SGSM1: variants seen among roughly 807,000 people sequenced by gnomAD.
The protein encoded by SGSM1 is RUN and TBC1 domain containing 2.
A neutral mutation model predicts 133.8 loss-of-function variants in SGSM1; 73 were observed. The ratio of observed to expected loss-of-function variants is 0.55; its 90% CI spans 0.45 to 0.66. SGSM1 has a LOEUF of 0.66. Among genes scored for constraint, SGSM1 ranks in the 30% least tolerant of loss-of-function variants. The pLI is 0.00. For synonymous variants in SGSM1, 563 were observed against 573.0 expected (o/e 0.98, Z 0.25); for missense variants, 1,213 against 1,448.1 (o/e 0.84, Z 2.64).
intron 2 of SGSM1, among the ~76,000 whole-genome samples, chr22:24,830,361 C>G (rs1200763198): frequency 6.6e-6 from 1 of 152,208 alleles, no homozygotes; most frequent in Non-Finnish European, 1.5e-5. Flanking sequence ...AAGGTTGCAG[C>G]CAGCTTCCTG....
At position 24,806,249 on chromosome 22, in the gene SGSM1, C is replaced by T. The variant is rs1355156931; in HGVS notation, c.-77C>T. ...CCCCGCCCCGCCGCGGCTGCAGCAG[C>T]AGCGCCGCGGCCGGAGGAGCTACCG... On this transcript the variant is annotated 5_prime_UTR_variant, in exon 1 of 25. Coordinates refer to ENST00000400358, the MANE Select transcript of SGSM1 (RefSeq NM_001098497.3). The T allele has an allele frequency of 6.0e-6, 8 of 1,338,036 alleles. No individual in the cohort carries two copies. The Admixed American group carries it at 1.2e-4, about 20-fold the overall frequency. The allele number at this position is 1,338,036 out of a possible 1,614,324, so 82.9% of individuals were successfully genotyped here.
At chr22:24,833,442 G>A (rs558313882) in intron 2 of SGSM1, among the ~76,000 whole-genome samples, 99 of 151,466 alleles carry the variant, frequency 6.5e-4, no homozygotes, top group African/African-American at 1.9e-3. Context: ...GGTGGATCAC[G>A]AGGTCAAGAG....
chr22:24,847,576 T>A, intron 3 of SGSM1, 58 bp from the exon 4 acceptor site: 1 of 1,573,528 alleles, frequency 6.4e-7, no homozygotes. Flanking sequence ...CTCTGGGACA[T>A]GCTGGGTGCT....
intron 14 of SGSM1, among the ~76,000 whole-genome samples, chr22:24,883,719 G>A (rs187922259): frequency 6.6e-6 from 1 of 152,306 alleles, no homozygotes; most frequent in East Asian, 1.9e-4. Flanking sequence ...CACTTTGGGA[G>A]GCTGAAGCAG....
chr22:24,885,616 G>T (rs976249747), intron 15 of SGSM1, among the ~76,000 whole-genome samples: 1 of 151,766 alleles, frequency 6.6e-6, no homozygotes, highest in Non-Finnish European at 1.5e-5. Flanking sequence ...TAGAGACGAG[G>T]TTTCACCATG....
intron 9 of SGSM1, among the ~76,000 whole-genome samples, chr22:24,864,178 G>C (rs1430706262): frequency 6.6e-6 from 1 of 152,168 alleles, no homozygotes; most frequent in Non-Finnish European, 1.5e-5. Context: ...GGCTGGACTT[G>C]CCTCCGATCT....
At chr22:24,851,813 G>C (rs1036725820) in intron 5 of SGSM1, among the ~76,000 whole-genome samples, 6 of 152,192 alleles carry the variant, frequency 3.9e-5, no homozygotes, top group Admixed American at 3.9e-4. Flanking sequence ...GATGGGATGG[G>C]GAACAAAGTG....
chr22:24,855,952 A>C (rs6004321), intron 8 of SGSM1: 3 of 621,902 alleles, frequency 4.8e-6, no homozygotes, highest in Admixed American at 4.3e-5. Flanking sequence ...CATCTATCCA[A>C]CCATCTTTAC....
intron 2 of SGSM1, among the ~76,000 whole-genome samples, chr22:24,808,531 G>T (rs1267792252): frequency 6.6e-6 from 1 of 152,124 alleles, no homozygotes; most frequent in African/African-American, 2.4e-5. Context: ...CCAGACCTAC[G>T]TGTAATATGT....
chr22:24,820,957 G>C (rs995849903), intron 2 of SGSM1, among the ~76,000 whole-genome samples: 2 of 152,230 alleles, frequency 1.3e-5, no homozygotes, highest in Non-Finnish European at 2.9e-5. Context: ...GTAGGTGGCA[G>C]CTTACCTGGG....
At position 24,826,774 on chromosome 22, in the gene SGSM1, C is replaced by T. The variant is rs148742084; in HGVS notation, c.64-18123C>T. Among the ~76,000 whole-genome samples, 14 of 152,192 alleles carry T rather than the reference C, an allele frequency of 9.2e-5. No individual in the cohort carries two copies. In the South Asian group the frequency reaches 1.2e-3, roughly 14 times the overall value. ...AGCTGACCACAGAATGGAGTGAGGA[C>T]GTGGCTTTCTGGGGGCTACCTCTTT... is the stretch of plus-strand genomic sequence containing the variant. On this transcript the variant is annotated intron_variant, in intron 2 of 24. Transcript: ENST00000400358.
intron 9 of SGSM1, among the ~76,000 whole-genome samples, chr22:24,860,817 T>A (rs1170338707): frequency 1.4e-5 from 2 of 147,412 alleles, no homozygotes. Context: ...GGAGAATTGC[T>A]TGTACCCAGG....
At chr22:24,830,243 G>A (rs560359511) in intron 2 of SGSM1, among the ~76,000 whole-genome samples, 1 of 152,318 alleles carries the variant, frequency 6.6e-6, no homozygotes, top group South Asian at 2.1e-4. Flanking sequence ...GGGAGATATA[G>A]CCAGTAGCTG....
At chr22:24,915,315 TG>T (rs1377630502) in intron 22 of SGSM1, among the ~76,000 whole-genome samples, 1 of 152,246 alleles carries the variant, frequency 6.6e-6, no homozygotes, top group African/African-American at 2.4e-5. Context: ...GCAACAACTT[TG>T]CTTGGGCATC....
chr22:24,900,381 T>TTCTTTCTTTCTTTCTCTTTCTTTC (rs1933100181), intron 19 of SGSM1, among the ~76,000 whole-genome samples: 1 of 72,600 alleles, frequency 1.4e-5, no homozygotes, highest in African/African-American at 4.9e-5. Context: ...CTTTCTTTCT[T>TTCTTTCTTTCTTTCTCTTTCTTTC]TCTTTCTTTC....
chr22:24,860,759 G>A (rs139704), intron 9 of SGSM1, among the ~76,000 whole-genome samples: 13,788 of 150,308 alleles, frequency 0.092, 1,166 homozygotes, highest in African/African-American at 0.22. Flanking sequence ...AAATTGCCAG[G>A]CATGGTGGCA....
In SGSM1 at chr22:24,812,085, G is replaced by A. The variant is rs537137210; in HGVS notation, c.63+5601G>A. Among the ~76,000 whole-genome samples, 7 of 150,986 alleles carry A rather than the reference G, an allele frequency of 4.6e-5. No homozygotes were observed. In the South Asian group the frequency reaches 8.4e-4, roughly 18 times the overall value. On this transcript the variant is annotated intron_variant, in intron 2 of 24. Coordinates refer to ENST00000400358, the MANE Select transcript of SGSM1 (RefSeq NM_001098497.3). The stretch of plus-strand genomic sequence containing the variant: ...CTCGGGATGCTGAGGCAGGAGAATC[G>A]CTTGAACCCGGGAGGTGGAGGTGGC...
chr22:24,855,982 T>A, intron 8 of SGSM1: 1 of 554,556 alleles, frequency 1.8e-6, no homozygotes, highest in Non-Finnish European at 3.4e-6. Context: ...TCCACCCATC[T>A]TTACATTCAC....
At chr22:24,900,344 T>C (rs899073044) in intron 19 of SGSM1, among the ~76,000 whole-genome samples, 1 of 24,024 alleles carries the variant, frequency 4.2e-5, no homozygotes, top group Non-Finnish European at 8.2e-5. Context: ...TAACCTCTTC[T>C]TTCTTTCTTT....
Sources: gnomAD v4.1 joint callset for allele counts (sites outside exome capture counted in the v4.1 genomes callset) on GRCh38, gnomAD v4.1.1 for gene constraint, MANE v1.5 for transcripts, NCBI Gene and HGNC (gene_info 2026-07-23, HGNC 2026-07-21) for gene names.